Variants in TMEM131 observed in about 807,000 individuals in gnomAD.
The protein encoded by TMEM131 is 2610524E03Rik.
In TMEM131, 66 loss-of-function variants were observed where a neutral mutation model predicts 211.6. The observed-to-expected ratio is 0.31, with a 90% CI of 0.26 to 0.38. The LOEUF (loss-of-function observed/expected upper bound fraction) is 0.38, where lower values mean the gene tolerates loss of function less well. Ranked by LOEUF, TMEM131 falls within the 10% of genes least tolerant of loss-of-function variation. The pLI is 1.00. For missense variants in TMEM131, 2,036 were observed against 2,299.3 expected (o/e 0.89, Z 2.34); for synonymous variants, 844 against 841.3 (o/e 1.00, Z -0.06).
intron 31 of TMEM131, among the ~76,000 whole-genome samples, chr2:97,787,784 TA>T (rs1680322039): frequency 1.3e-5 from 2 of 152,192 alleles, no homozygotes; most frequent in South Asian, 2.1e-4. Context: ...GAGTGTTGCA[TA>T]AGGACTGTGG....
chr2:97,838,604 CCAGCTAATTTTTGTATTTTTCG>C (rs796484549), intron 7 of TMEM131, among the ~76,000 whole-genome samples: 29 of 152,020 alleles, frequency 1.9e-4, no homozygotes, highest in African/African-American at 7.0e-4. Context: ...GCCTCCACGC[CCAGCTAATTTTTGTATTTTTCG>C]CAGAGATGGG....
chr2:97,897,300 T>C (rs1675654370), intron 3 of TMEM131, among the ~76,000 whole-genome samples: 1 of 152,116 alleles, frequency 6.6e-6, no homozygotes, highest in Non-Finnish European at 1.5e-5. Flanking sequence ...GACTACCACA[T>C]CCAGTACAAT....
intron 7 of TMEM131, 37 bp downstream of exon 7, chr2:97,841,778 A>T: frequency 6.5e-7 from 1 of 1,537,894 alleles, no homozygotes; most frequent in African/African-American, 1.4e-5. Context: ...ATTCCCACCA[A>T]AATGAAGCTT....
rs572764392 is a variant in TMEM131 at position 97,827,639 on chromosome 2, A to G, written c.1074+5726T>C. The G allele has an allele frequency of 2.7e-4, 256 of 931,474 alleles. 1 individual carries two copies. Among genetic ancestry groups the G allele is most frequent in the South Asian group, 1.3e-3 (91 of 70,896 alleles). 57.7% of individuals were successfully genotyped at this position (931,474 alleles called of 1,614,324 possible). ...TTTTATCAACTATTTTGTAAATGCA[A>G]GTTTTTTAGTAGCTCTAGAAACATT... On this transcript the variant is annotated intron_variant, in intron 11 of 40. Transcript: ENST00000186436.
chr2:97,828,375 C>T (rs1430416828), intron 11 of TMEM131, among the ~76,000 whole-genome samples: 1 of 152,018 alleles, frequency 6.6e-6, no homozygotes, highest in Non-Finnish European at 1.5e-5. Flanking sequence ...ATATATTATC[C>T]TAACTTCTAA....
At chr2:97,892,213 G>C (rs1412253312) in intron 3 of TMEM131, among the ~76,000 whole-genome samples, 2 of 152,058 alleles carry the variant, frequency 1.3e-5, no homozygotes, top group East Asian at 3.8e-4. Context: ...TTTTTAACTG[G>C]AATGTCTGTC....
chr2:97,960,078 T>A (rs2104563958), intron 1 of TMEM131, among the ~76,000 whole-genome samples: 1 of 152,360 alleles, frequency 6.6e-6, no homozygotes, highest in African/African-American at 2.4e-5. Flanking sequence ...CTGGTGATAT[T>A]AAATTGGATC....
chr2:97,853,848 T>G (rs534604506), intron 5 of TMEM131, among the ~76,000 whole-genome samples: 1 of 151,656 alleles, frequency 6.6e-6, no homozygotes, highest in Non-Finnish European at 1.5e-5. Context: ...GGAAGAGGAG[T>G]TGTTTCTTAG....
intron 1 of TMEM131, among the ~76,000 whole-genome samples, chr2:97,979,249 A>ATT (rs1467834824): frequency 6.6e-6 from 1 of 152,150 alleles, no homozygotes; most frequent in African/African-American, 2.4e-5. Flanking sequence ...GGTCCCTAGA[A>ATT]TTTTTTCAGC....
intron 4 of TMEM131, among the ~76,000 whole-genome samples, chr2:97,863,176 T>C (rs1328175614): frequency 1.3e-5 from 2 of 152,056 alleles, no homozygotes; most frequent in African/African-American, 4.8e-5. Context: ...CCAGCGAAAA[T>C]ATCCTTCAAA....
chr2:97,759,698 G>A lies in TMEM131; in HGVS notation c.5160C>T (p.Pro1720=), dbSNP rs1485674232. 2 of 1,613,780 alleles carry A rather than the reference G, an allele frequency of 1.2e-6. No individual in the cohort carries two copies. The highest frequency in any genetic ancestry group is 1.7e-5 in the Admixed American group (1 of 59,994). Residue 1720 remains proline (P), a synonymous_variant, in exon 39 of 41, where the codon CCC becomes CCT. Coordinates refer to ENST00000186436, the MANE Select transcript of TMEM131 (RefSeq NM_015348.2). ...TTCCAAAGGCGGAGAACGAATTGAG[G>A]GGAGTGAAGTCAGGGCTGCTTGGGT... ...VSNPSSPDFT[P]LNSFSAFGNS...
At chr2:97,928,337 G>A (rs749196611) in intron 1 of TMEM131, among the ~76,000 whole-genome samples, 25 of 148,990 alleles carry the variant, frequency 1.7e-4, no homozygotes, top group Admixed American at 4.6e-4. Context: ...AGATGGGAAA[G>A]GTTGAATAAG....
At chr2:97,762,985 C>T (rs1327527671) in intron 35 of TMEM131, 11 of 152,246 alleles carry the variant, frequency 7.2e-5, no homozygotes, top group Admixed American at 7.2e-4. Context: ...GCTGTAGCTA[C>T]TGCAAGAGGA....
At chr2:97,782,149 G>C (rs1020035680) in intron 31 of TMEM131, among the ~76,000 whole-genome samples, 5 of 152,240 alleles carry the variant, frequency 3.3e-5, no homozygotes, top group African/African-American at 1.2e-4. Flanking sequence ...CTGAGGTGGT[G>C]ACAGAGGAGG....
chr2:97,757,397 G>A lies in TMEM131; in HGVS notation c.5368-14C>T. On this transcript the variant is annotated splice_polypyrimidine_tract_variant and intron_variant, in intron 40 of 40. Coordinates refer to ENST00000186436, the MANE Select transcript of TMEM131 (RefSeq NM_015348.2). ...ACCGAGGACCGACTGCGACAAAACA[G>A]AAAGCGTCCAGCACTGAGCCCGGCA... 6.3e-7 allele frequency: 1 copy of A among 1,579,742 alleles called. No homozygotes were observed. Among genetic ancestry groups the A allele is most frequent in the South Asian group, 1.2e-5 (1 of 85,732 alleles).
intron 31 of TMEM131, among the ~76,000 whole-genome samples, chr2:97,779,670 C>A (rs983456424): frequency 6.6e-6 from 1 of 152,198 alleles, no homozygotes; most frequent in Admixed American, 6.5e-5. Context: ...CGGGTAGGCA[C>A]AGCAATCTAT....
At chr2:97,861,318 C>T (rs945250628) in intron 4 of TMEM131, among the ~76,000 whole-genome samples, 11 of 151,716 alleles carry the variant, frequency 7.3e-5, no homozygotes, top group Non-Finnish European at 1.3e-4. Flanking sequence ...GTGCTTGCAC[C>T]ACTCCTCCTC....
intron 1 of TMEM131, among the ~76,000 whole-genome samples, chr2:97,933,034 ATGT>A (rs1300220734): frequency 1.3e-5 from 2 of 152,206 alleles, no homozygotes; most frequent in Non-Finnish European, 2.9e-5. Context: ...GTATAGTAAC[ATGT>A]TGTACAGGCT....
Position 97,801,921 on chromosome 2 carries a change from G to A in TMEM131, c.2692C>T (p.Leu898=). ...SKVAKIDLRT[L]EFQVFRNSAH... is the part of the protein sequence containing the mutation. The stretch of plus-strand genomic sequence containing the variant: ...CTGTTTCTGAAGACTTGAAATTCTA[G>A]TGTTCTCAAATCTATCTTTGCCACC... The change falls in exon 25 of 41, where the codon CTA becomes TTA. Residue 898 remains leucine (L), a synonymous_variant. Transcript: ENST00000186436. The A allele has an allele frequency of 6.2e-7, 1 of 1,607,730 alleles. No homozygotes were observed. The highest frequency in any genetic ancestry group is 8.5e-7 in the Non-Finnish European group (1 of 1,177,056).
Sources: allele counts gnomAD v4.1 joint callset (sites outside exome capture counted in the v4.1 genomes callset), GRCh38; gene constraint gnomAD v4.1.1; transcripts MANE v1.5; gene names NCBI Gene and HGNC (gene_info 2026-07-23, HGNC 2026-07-21).